Variants in QTRT1 observed in about 807,000 individuals in gnomAD.
QTRT1 encodes the protein TGT, 43-KD subunit.
QTRT1 carries 41 observed loss-of-function variants against 44.0 expected under a neutral mutation model. The observed-to-expected ratio is 0.93, with a 90% CI of 0.73 to 1.21. QTRT1 has a LOEUF of 1.21. Ranked by LOEUF, QTRT1 falls within the 50% of genes most tolerant of loss-of-function variation. The pLI is 0.00. For missense variants in QTRT1, 542 were observed against 575.8 expected, an observed-to-expected ratio of 0.94 and a Z score of 0.60; for synonymous variants, 226 against 237.1, an observed-to-expected ratio of 0.95 and a Z score of 0.43.
Position 10,712,575 on chromosome 19 carries a change from T to A in QTRT1, c.808T>A (p.Cys270Ser). The change falls in exon 7 of 10, where the codon TGC (cysteine) becomes AGC (serine). Residue 270 changes from cysteine (C) to serine (S), a missense_variant. Cys to Ser is a moderately radical substitution (Grantham distance 112). Transcript: ENST00000250237. This position sits in a 1 kb window ranked among gnomAD's most constrained non-coding sequence, Gnocchi z 5.6. ...CAGCTATGCCACTGATCTGGTAGTC[T>A]GCGTGGCTCTTGGATGTGACATGTT... ...GVGYATDLVVCVALGCDMFDC... is the reference protein window; with the variant it reads ...GVGYATDLVVSVALGCDMFDC... 6.2e-7 allele frequency: 1 copy of A among 1,613,766 alleles called. No individual in the cohort carries two copies. Among genetic ancestry groups the A allele is most frequent in the East Asian group, 2.2e-5 (1 of 44,850 alleles).
At position 10,712,267 on chromosome 19, in the gene QTRT1, G is replaced by C; in HGVS notation, c.753G>C (p.Pro251=). ...TGGCGCTGAGCACCTCTCGGCTGCC[G>C]AAGGACAAGCCCCGATATCTGATGG... ...RMVALSTSRL[P]KDKPRYLMGV... The change falls in exon 6 of 10, where the codon CCG becomes CCC. Residue 251 remains proline, a synonymous_variant. Coordinates refer to ENST00000250237, the MANE Select transcript of QTRT1 (RefSeq NM_031209.3). The surrounding 1 kb of genome is among the most constrained non-coding windows in gnomAD (Gnocchi z 5.6). 6.2e-7 allele frequency: 1 copy of C among 1,613,786 alleles called. No individual in the cohort carries two copies. The highest frequency in any genetic ancestry group is 8.5e-7 in the Non-Finnish European group (1 of 1,179,890).
At chr19:10,707,280 G>A (rs1292956462) in intron 3 of QTRT1, 22 bp from the exon 4 acceptor site, 8 of 1,613,596 alleles carry the variant, frequency 5.0e-6, no homozygotes, top group Non-Finnish European at 6.8e-6. Context: ...TCCCAGTGAT[G>A]TTGCCCCCAT....
At chr19:10,702,421 T>C (rs573786163) in intron 3 of QTRT1, among the ~76,000 whole-genome samples, 167 bp downstream of exon 3, 6 of 152,264 alleles carry the variant, frequency 3.9e-5, no homozygotes, top group South Asian at 2.1e-4. Flanking sequence ...TTTGGTAGAA[T>C]TGTTGACAAG....
chr19:10,702,287 C>T (rs2068693908), intron 3 of QTRT1, 33 bp downstream of exon 3: 2 of 1,604,946 alleles, frequency 1.2e-6, no homozygotes, highest in African/African-American at 1.3e-5. Context: ...CCTCCTTACC[C>T]TGTCTGTCAG....
Position 10,701,704 on chromosome 19 carries a change from G to T in QTRT1, c.243+1G>T. The T allele has an allele frequency of 6.4e-7, 1 of 1,574,652 alleles. No individual in the cohort carries two copies. ...TACCTACCATCTGGGTCTAAGGCCG[G>T]TGGGTGGGCTCTGCCCGCGCGGGGA... On this transcript the variant is annotated splice_donor_variant, in intron 1 of 9. Transcript: ENST00000250237. LOFTEE classifies it high-confidence loss of function.
Position 10,712,117 on chromosome 19 carries a change from C to T in QTRT1, c.647-44C>T, listed in dbSNP as rs746363767. Reference sequence around the variant, plus strand: ...GTGTGTTCTGGGATTGAAGACCAGGCGCATTTCCTCTTCTGTGGCCCTCAC... The same window carrying T: ...GTGTGTTCTGGGATTGAAGACCAGGTGCATTTCCTCTTCTGTGGCCCTCAC... On this transcript the variant is annotated intron_variant, in intron 5 of 9. Coordinates refer to ENST00000250237, the MANE Select transcript of QTRT1 (RefSeq NM_031209.3). This position sits in a 1 kb window ranked among gnomAD's most constrained non-coding sequence, Gnocchi z 5.6. 1.2e-5 allele frequency: 20 copies of T among 1,608,798 alleles called. No individual in the cohort carries two copies. In the Middle Eastern group the frequency reaches 8.9e-4, roughly 72 times the overall value.
At chr19:10,701,847 C>T (rs2068690531) in intron 1 of QTRT1, 103 bp from the exon 2 acceptor site, 1 of 1,569,672 alleles carries the variant, frequency 6.4e-7, no homozygotes, top group South Asian at 1.1e-5. Flanking sequence ...TTGTACTGGG[C>T]GTGAAAGAGC....
chr19:10,704,916 A>AT lies in QTRT1; in HGVS notation c.452-2369dup, dbSNP rs57490073. Among the ~76,000 whole-genome samples, 506 of 133,546 alleles carry AT rather than the reference A, an allele frequency of 3.8e-3. 1 individual carries two copies. The highest frequency in any genetic ancestry group is 0.01 in the East Asian group (47 of 4,488). The allele number at this position is 133,546 out of a possible 152,430, so 87.6% of individuals were successfully genotyped here. ...TTCTAGCTTTTTAATGAATGTCGTA[A>AT]TTTTTTTTTTTTTTTTTGATGTGGA... On this transcript the variant is annotated intron_variant, in intron 3 of 9. Transcript: ENST00000250237.
chr19:10,712,326 C>G lies in QTRT1; in HGVS notation c.785+27C>G, dbSNP rs1420163701. 2 of 1,589,028 alleles carry G rather than the reference C, an allele frequency of 1.3e-6. No individual in the cohort carries two copies. Among genetic ancestry groups the G allele is most frequent in the South Asian group, 1.2e-5 (1 of 86,940 alleles). On this transcript the variant is annotated intron_variant, in intron 6 of 9. Coordinates refer to ENST00000250237, the MANE Select transcript of QTRT1 (RefSeq NM_031209.3). The surrounding 1 kb of genome is among the most constrained non-coding windows in gnomAD (Gnocchi z 5.6). The stretch of plus-strand genomic sequence containing the variant: ...TATGTTGTGGATAGGGAAGCCAGAG[C>G]CCTACCTGTGGGAAGTGGATTCCTG...
intron 3 of QTRT1, among the ~76,000 whole-genome samples, chr19:10,705,695 C>T (rs529724297): frequency 5.3e-5 from 8 of 151,630 alleles, no homozygotes; most frequent in East Asian, 3.9e-4. Flanking sequence ...GCCACCATGC[C>T]GGGCTAATTT....
At chr19:10,707,146 C>T (rs1458770326) in intron 3 of QTRT1, among the ~76,000 whole-genome samples, 156 bp from the exon 4 acceptor site, 1 of 152,212 alleles carries the variant, frequency 6.6e-6, no homozygotes, top group Non-Finnish European at 1.5e-5. Flanking sequence ...CTCCTTCTGG[C>T]TGCTGTATAA....
At chr19:10,703,549 C>T (rs548990528) in intron 3 of QTRT1, among the ~76,000 whole-genome samples, 19 of 152,254 alleles carry the variant, frequency 1.2e-4, no homozygotes, top group Non-Finnish European at 7.4e-5. Context: ...GGTGGCCACG[C>T]CTGTAATCCC....
intron 3 of QTRT1, among the ~76,000 whole-genome samples, chr19:10,702,928 C>T (rs772263434): frequency 6.6e-6 from 1 of 151,224 alleles, no homozygotes; most frequent in Non-Finnish European, 1.5e-5. Flanking sequence ...CGCCACCACA[C>T]CTGGCTAATT....
Position 10,712,904 on chromosome 19 carries a change from G to A in QTRT1, c.971+37G>A. ...GGCACTGGGAGCTGGGGCAGGGCATGGAGGGGACAGGGCCTGGCCGTGCTG... is the reference window on the plus strand; with the variant it reads ...GGCACTGGGAGCTGGGGCAGGGCATAGAGGGGACAGGGCCTGGCCGTGCTG... On this transcript the variant is annotated intron_variant, in intron 8 of 9. Coordinates refer to ENST00000250237, the MANE Select transcript of QTRT1 (RefSeq NM_031209.3). This position sits in a 1 kb window ranked among gnomAD's most constrained non-coding sequence, Gnocchi z 5.6. The A allele has an allele frequency of 6.2e-7, 1 of 1,612,990 alleles. No homozygotes were observed. The highest frequency in any genetic ancestry group is 8.5e-7 in the Non-Finnish European group (1 of 1,179,450).
At chr19:10,708,767 C>T (rs368642538) in intron 5 of QTRT1, among the ~76,000 whole-genome samples, 584 of 127,868 alleles carry the variant, frequency 4.6e-3, no homozygotes, top group Middle Eastern at 0.024. Context: ...TTTTTTTTTT[C>T]TTTTTTTTTT....
At chr19:10,711,867 G>GC in intron 5 of QTRT1, 1 of 519,570 alleles carries the variant, frequency 1.9e-6, no homozygotes, top group Non-Finnish European at 3.5e-6. Flanking sequence ...GGGACTGTGG[G>GC]CTGTGCCTCT....
Position 10,712,988 on chromosome 19 carries a change from G to A in QTRT1, c.1007G>A (p.Ser336Asn). 6.2e-7 allele frequency: 1 copy of A among 1,612,538 alleles called. No homozygotes were observed. Among genetic ancestry groups the A allele is most frequent in the Non-Finnish European group, 8.5e-7 (1 of 1,179,938 alleles). ...GCCTTCCTGCACGCACTGCTGCACA[G>A]TGACAACACGGCCGCGCTGCACCAC... ...SRAFLHALLHSDNTAALHHLT... is the reference protein window; with the variant it reads ...SRAFLHALLHNDNTAALHHLT... The change falls in exon 9 of 10, where the codon AGT becomes AAT. Residue 336 changes from serine to asparagine, a missense_variant. Coordinates refer to ENST00000250237, the MANE Select transcript of QTRT1 (RefSeq NM_031209.3). This position sits in a 1 kb window ranked among gnomAD's most constrained non-coding sequence, Gnocchi z 5.6.
In QTRT1 at chr19:10,707,497, C is replaced by A. The variant is rs1051220754; in HGVS notation, c.531-3C>A. ...GGGGCTTGTGACTGGGGCCCTGTTG[C>A]AGGTCAATCCGCTGGCTGGACCGGT... On this transcript the variant is annotated splice_polypyrimidine_tract_variant and splice_region_variant and intron_variant, in intron 4 of 9. Coordinates refer to ENST00000250237, the MANE Select transcript of QTRT1 (RefSeq NM_031209.3). 2 of 1,610,910 alleles carry A rather than the reference C, an allele frequency of 1.2e-6. No individual in the cohort carries two copies. The highest frequency in any genetic ancestry group is 1.7e-6 in the Non-Finnish European group (2 of 1,177,616).
In QTRT1 at chr19:10,712,310, G is replaced by C. The variant is rs2068742627; in HGVS notation, c.785+11G>C. The C allele has an allele frequency of 6.2e-7, 1 of 1,602,484 alleles. No individual in the cohort carries two copies. Among genetic ancestry groups the C allele is most frequent in the Non-Finnish European group, 8.5e-7 (1 of 1,173,820 alleles). The stretch of plus-strand genomic sequence containing the variant: ...TCTGATGGGGGTTGGGTATGTTGTG[G>C]ATAGGGAAGCCAGAGCCCTACCTGT... On this transcript the variant is annotated intron_variant, in intron 6 of 9. Coordinates refer to ENST00000250237, the MANE Select transcript of QTRT1 (RefSeq NM_031209.3). The surrounding 1 kb of genome is among the most constrained non-coding windows in gnomAD (Gnocchi z 5.6).
Sources: allele counts gnomAD v4.1 joint callset (sites outside exome capture counted in the v4.1 genomes callset), GRCh38; gene constraint gnomAD v4.1.1; non-coding constraint Gnocchi (gnomAD v3.1); transcripts MANE v1.5; gene names NCBI Gene and HGNC (gene_info 2026-07-23, HGNC 2026-07-21).